ERBIN: variants seen among roughly 807,000 people sequenced by gnomAD.
The protein encoded by ERBIN is densin-180-like protein.
Under a neutral mutation model 158.4 loss-of-function variants are expected in ERBIN, and 60 were observed. The observed-to-expected ratio is 0.38, with a 90% confidence interval of 0.31 to 0.47. The LOEUF (loss-of-function observed/expected upper bound fraction) is 0.47, where lower values mean the gene tolerates loss of function less well. Ranked by LOEUF, ERBIN falls within the 20% of genes least tolerant of loss-of-function variation. The probability of loss-of-function intolerance (pLI) is 0.99; values close to 1 mark genes in which losing one functional copy is unlikely to be tolerated. For synonymous variants in ERBIN, 594 were observed against 557.2 expected (o/e 1.07, Z -0.93); for missense variants, 1,610 against 1,648.0 (o/e 0.98, Z 0.40).
chr5:66,046,455 A>AG lies in ERBIN; in HGVS notation c.1706dup (p.Ser569ArgfsTer15). The AG allele has an allele frequency of 1.2e-6, 2 of 1,612,336 alleles. No individual in the cohort carries two copies. The highest frequency in any genetic ancestry group is 1.7e-6 in the Non-Finnish European group (2 of 1,178,804). ...GATCAGTGAACCTGAAGCTGAGATT[A>AG]GTCCTGGGAGTTTACCAGTGACTGC... On this transcript the variant is annotated frameshift_variant, in exon 18 of 26. Coordinates refer to ENST00000284037, the MANE Select transcript of ERBIN (RefSeq NM_001253697.2). LOFTEE classifies it high-confidence loss of function.
At position 66,054,659 on chromosome 5, in the gene ERBIN, G is replaced by A; in HGVS notation, c.3341G>A (p.Gly1114Glu). The change falls in exon 21 of 26, where the codon GGA (glycine) becomes GAA (glutamate). Residue 1114 changes from glycine (G) to glutamate (E), a missense_variant. By Grantham distance (98) the Gly-to-Glu change is moderately conservative (BLOSUM62 -2). This residue lies in a region of ERBIN where 1,014 missense variants were observed against 936.1 expected (regional missense o/e 1.08). Transcript: ENST00000284037. ...TCATACAGAGAGTTCCACTCAGCGGGAAGAACTCCTCCAATGATGCCAGGA... is the reference window on the plus strand; with the variant it reads ...TCATACAGAGAGTTCCACTCAGCGGAAAGAACTCCTCCAATGATGCCAGGA... ...YLSYREFHSA[G>E]RTPPMMPGSQ... 1 of 1,614,106 alleles carries A rather than the reference G, an allele frequency of 6.2e-7. No homozygotes were observed. Among genetic ancestry groups the A allele is most frequent in the South Asian group, 1.1e-5 (1 of 91,080 alleles).
intron 15 of ERBIN, among the ~76,000 whole-genome samples, 159 bp from the exon 16 acceptor site, chr5:66,042,918 C>T (rs56037754): frequency 0.022 from 3,326 of 152,164 alleles, 56 homozygotes; most frequent in Non-Finnish European, 0.033. Flanking sequence ...TATAAAGAAT[C>T]GGCCAACGCA....
chr5:65,961,005 C>CT (rs1042184679), intron 1 of ERBIN, among the ~76,000 whole-genome samples: 42 of 152,286 alleles, frequency 2.8e-4, no homozygotes, highest in African/African-American at 9.9e-4. Flanking sequence ...CACTGACTGT[C>CT]TTAATTCCCT....
chr5:65,967,027 C>T (rs181575109), intron 1 of ERBIN, among the ~76,000 whole-genome samples: 1 of 152,082 alleles, frequency 6.6e-6, no homozygotes, highest in African/African-American at 2.4e-5. Flanking sequence ...GTCCCAACTA[C>T]TTAGGAGGCT....
At chr5:66,025,091 T>C (rs543439075) in intron 10 of ERBIN, among the ~76,000 whole-genome samples, 132 of 152,266 alleles carry the variant, frequency 8.7e-4, no homozygotes, top group African/African-American at 3.1e-3. Flanking sequence ...GTTTTTTATA[T>C]ACCTGTTATG....
At chr5:65,954,366 T>TGG (rs1033685153) in intron 1 of ERBIN, among the ~76,000 whole-genome samples, 2 of 152,160 alleles carry the variant, frequency 1.3e-5, no homozygotes, top group African/African-American at 4.8e-5. Context: ...CATTGACTCT[T>TGG]GGGAAAGTAT....
intron 18 of ERBIN, among the ~76,000 whole-genome samples, chr5:66,047,956 A>G (rs1277724397): frequency 6.6e-6 from 1 of 151,920 alleles, no homozygotes; most frequent in Non-Finnish European, 1.5e-5. Context: ...GACTGTGCTA[A>G]GTGTGTTAGA....
chr5:65,982,908 G>A (rs970186220), intron 1 of ERBIN, among the ~76,000 whole-genome samples: 1 of 152,194 alleles, frequency 6.6e-6, no homozygotes, highest in Non-Finnish European at 1.5e-5. Flanking sequence ...TGGTCAGGAT[G>A]TTGACTGGGA....
At chr5:66,025,632 A>G in intron 11 of ERBIN, 80 bp downstream of exon 11, 2 of 1,140,416 alleles carry the variant, frequency 1.8e-6, no homozygotes, top group African/African-American at 1.5e-5. Context: ...AGGTATTTGC[A>G]TAAATGACCT....
rs779165719 is a variant in ERBIN, at chr5:66,030,034, G to GTTTTGT, written c.1206+1708_1206+1713dup. Among the ~76,000 whole-genome samples, 81 of 151,826 alleles carry GTTTTGT rather than the reference G, an allele frequency of 5.3e-4. 1 individual carries two copies. The highest frequency in any genetic ancestry group is 1.2e-3 in the East Asian group (6 of 5,146). ...AAAATGATACATTGCCTTTATTAGA[G>GTTTTGT]TTTTGTTTTTGTTTTTGTTTTTTGA... On this transcript the variant is annotated intron_variant, in intron 14 of 25. Coordinates refer to ENST00000284037, the MANE Select transcript of ERBIN (RefSeq NM_001253697.2).
chr5:66,075,106 C>G lies in ERBIN; in HGVS notation c.3839C>G (p.Ser1280Cys). 6.2e-7 allele frequency: 1 copy of G among 1,614,184 alleles called. No individual in the cohort carries two copies. The highest frequency in any genetic ancestry group is 8.5e-7 in the Non-Finnish European group (1 of 1,180,022). The change falls in exon 23 of 26, where the codon TCT becomes TGT. Residue 1280 changes from serine (S) to cysteine (C), a missense_variant. This residue lies in a region of ERBIN where 1,014 missense variants were observed against 936.1 expected (regional missense o/e 1.08). Transcript: ENST00000284037. ...CAAATACATCACCCCCCTCAGGCAT[C>G]TGTGGCAAGGCATCCCTCTAGAGAA... ...YSQIHHPPQASVARHPSREQL... is the reference protein window; with the variant it reads ...YSQIHHPPQACVARHPSREQL...
At chr5:66,003,379 G>T (rs1753203510) in intron 4 of ERBIN, among the ~76,000 whole-genome samples, 2 of 152,136 alleles carry the variant, frequency 1.3e-5, no homozygotes, top group Non-Finnish European at 2.9e-5. Context: ...CAGGATTTGG[G>T]CTTTTGCTTG....
intron 1 of ERBIN, among the ~76,000 whole-genome samples, chr5:65,939,801 G>A (rs1413286793): frequency 6.6e-6 from 1 of 152,248 alleles, no homozygotes; most frequent in Non-Finnish European, 1.5e-5. Flanking sequence ...CGCCAGCCTC[G>A]GCCTCCCGAG....
chr5:65,989,971 T>A (rs773369526), intron 2 of ERBIN, among the ~76,000 whole-genome samples: 1 of 152,242 alleles, frequency 6.6e-6, no homozygotes, highest in Non-Finnish European at 1.5e-5. Flanking sequence ...ATCTAAATTC[T>A]CTTCTGGCGA....
intron 18 of ERBIN, among the ~76,000 whole-genome samples, chr5:66,047,290 T>C (rs768711351): frequency 2.0e-4 from 30 of 152,128 alleles, no homozygotes; most frequent in Middle Eastern, 3.2e-3. Context: ...TTGTATGTTA[T>C]AGCATATATC....
intron 21 of ERBIN, among the ~76,000 whole-genome samples, chr5:66,063,515 C>T (rs561056091): frequency 1.5e-4 from 23 of 152,242 alleles, no homozygotes; most frequent in African/African-American, 4.3e-4. Context: ...CACCCTGCTT[C>T]GGCTCAGGCA....
At chr5:66,063,393 G>T (rs573984602) in intron 21 of ERBIN, among the ~76,000 whole-genome samples, 1 of 152,186 alleles carries the variant, frequency 6.6e-6, no homozygotes, top group Non-Finnish European at 1.5e-5. Flanking sequence ...TTGGAAAAGC[G>T]CAGTATTAGG....
chr5:65,960,588 G>A (rs1182428259), intron 1 of ERBIN, among the ~76,000 whole-genome samples: 1 of 152,210 alleles, frequency 6.6e-6, no homozygotes, highest in African/African-American at 2.4e-5. Flanking sequence ...TGCCGCCAGA[G>A]TTAAGAATCA....
At chr5:66,050,228 T>TAATAACCCCAGCA (rs1758883746) in intron 19 of ERBIN, among the ~76,000 whole-genome samples, 2 of 3,272 alleles carry the variant, frequency 6.1e-4, no homozygotes, top group Non-Finnish European at 2.2e-3. Context: ...ATCGAATTCT[T>TAATAACCCCAGCA]TTTTTTTTTT....
Sources: allele counts gnomAD v4.1 joint callset (sites outside exome capture counted in the v4.1 genomes callset), GRCh38; gene constraint gnomAD v4.1.1; regional missense constraint gnomAD v4.1.1; transcripts MANE v1.5; gene names NCBI Gene and HGNC (gene_info 2026-07-23, HGNC 2026-07-21).